Variants in SIRT6 observed in about 807,000 individuals in gnomAD.
The protein encoded by SIRT6 is NAD-dependent protein deacylase sirtuin-6.
A neutral mutation model predicts 33.6 loss-of-function variants in SIRT6; 21 were observed. That is an observed-to-expected ratio of 0.62 (90% CI 0.44 to 0.90). SIRT6 has a LOEUF of 0.90. Ranked by LOEUF, SIRT6 falls within the 40% of genes least tolerant of loss-of-function variation. SIRT6 has a pLI of 0.00. For missense variants in SIRT6, 504 were observed against 510.6 expected (o/e 0.99, Z 0.12); for synonymous variants, 221 against 223.9 (o/e 0.99, Z 0.12).
chr19:4,178,920 A>T (rs1967460039), intron 3 of SIRT6, among the ~76,000 whole-genome samples, 184 bp downstream of exon 3: 1 of 152,200 alleles, frequency 6.6e-6, no homozygotes, highest in Non-Finnish European at 1.5e-5. Flanking sequence ...TCTCGAGGGA[A>T]ATTCTGCCTC....
At chr19:4,181,162 C>T (rs986638363) in intron 1 of SIRT6, among the ~76,000 whole-genome samples, 1 of 152,162 alleles carries the variant, frequency 6.6e-6, no homozygotes, top group Non-Finnish European at 1.5e-5. Flanking sequence ...CCCTCTTCTC[C>T]TCCCTCTCCC....
Position 4,174,516 on chromosome 19 carries a change from CCT to C in SIRT6, c.*99_*100del. 8.7e-7 allele frequency: 1 copy of C among 1,152,438 alleles called. No homozygotes were observed. The highest frequency in any genetic ancestry group is 3.5e-5 in the Admixed American group (1 of 28,718). 71.4% of individuals were successfully genotyped at this position (1,152,438 alleles called of 1,614,324 possible). A position where few individuals can be genotyped will look rare whatever the true frequency, so the allele number is the denominator to read the frequency against. On this transcript the variant is annotated 3_prime_UTR_variant, in exon 8 of 8. Transcript: ENST00000337491. This position sits in a 1 kb window ranked among gnomAD's most constrained non-coding sequence, Gnocchi z 4.2. ...TGGCCTGGAGCACAGCTCTCAGAGC[CCT>C]GAGGCTCCCGGGGACAGAAACAAGT...
In SIRT6 at chr19:4,175,015, C is replaced by T. The variant is rs201325853; in HGVS notation, c.738+13G>A. The T allele has an allele frequency of 6.2e-6, 10 of 1,601,174 alleles. No homozygotes were observed. Among genetic ancestry groups the T allele is most frequent in the Non-Finnish European group, 8.5e-6 (10 of 1,173,128 alleles). On this transcript the variant is annotated intron_variant, in intron 7 of 7. Transcript: ENST00000337491. ...CATGGTGGCCCTGGGCAGGGGTAGG[C>T]TCAGACACCTACGTGCTTGGTGGGC...
intron 3 of SIRT6, among the ~76,000 whole-genome samples, chr19:4,178,893 T>C (rs1456134520): frequency 6.6e-6 from 1 of 152,114 alleles, no homozygotes; most frequent in Non-Finnish European, 1.5e-5. Context: ...CTGACAGCTC[T>C]CCTCCCCTTA....
Position 4,177,970 on chromosome 19 carries a change from G to A in SIRT6, c.378-832C>T, listed in dbSNP as rs543784542. Among the ~76,000 whole-genome samples the A allele has an allele frequency of 9.5e-4, 144 of 151,816 alleles. 1 individual carries two copies. Among genetic ancestry groups the A allele is most frequent in the African/African-American group, 3.3e-3 (136 of 41,390 alleles). Reference sequence around the variant, plus strand: ...GATCTCCTGACCTCATGATCCGCCCGCCTTGGCCTCCCAAAGTGCTGAGAT... The same window carrying A: ...GATCTCCTGACCTCATGATCCGCCCACCTTGGCCTCCCAAAGTGCTGAGAT... On this transcript the variant is annotated intron_variant, in intron 3 of 7. Coordinates refer to ENST00000337491, the MANE Select transcript of SIRT6 (RefSeq NM_016539.4).
chr19:4,179,235 G>T lies in SIRT6; in HGVS notation c.246C>A (p.Phe82Leu), dbSNP rs778143852. 2 of 1,609,700 alleles carry T rather than the reference G, an allele frequency of 1.2e-6. No individual in the cohort carries two copies. Among genetic ancestry groups the T allele is most frequent in the Admixed American group, 1.7e-5 (1 of 59,220 alleles). The change falls in exon 3 of 8, where the codon TTC (phenylalanine) becomes TTA (leucine). Residue 82 changes from phenylalanine (F) to leucine (L), a missense_variant. Coordinates refer to ENST00000337491, the MANE Select transcript of SIRT6 (RefSeq NM_016539.4). ...TMEERGLAPK[F>L]DTTFESARPT... is the part of the protein sequence containing the mutation. Reference sequence around the variant, plus strand: ...GCCGCGCGCTCTCAAAGGTGGTGTCGAACTTGGGGGCCAGACCTCGCTCCT... The same window carrying T: ...GCCGCGCGCTCTCAAAGGTGGTGTCTAACTTGGGGGCCAGACCTCGCTCCT...
Position 4,177,150 on chromosome 19 carries a change from G to A in SIRT6, c.378-12C>T. 6.2e-7 allele frequency: 1 copy of A among 1,613,716 alleles called. No homozygotes were observed. Among genetic ancestry groups the A allele is most frequent in the Non-Finnish European group, 8.5e-7 (1 of 1,179,814 alleles). On this transcript the variant is annotated splice_polypyrimidine_tract_variant and intron_variant, in intron 3 of 7. Coordinates refer to ENST00000337491, the MANE Select transcript of SIRT6 (RefSeq NM_016539.4). ...CTGCCAGTTTGTCCCTGTGGGAAGA[G>A]CAGGAAGAGGCTTGATGGTGGGAAA...
intron 3 of SIRT6, among the ~76,000 whole-genome samples, chr19:4,178,643 A>G (rs1231028631): frequency 6.6e-6 from 1 of 152,114 alleles, no homozygotes; most frequent in Non-Finnish European, 1.5e-5. Context: ...TGAGGTCAGG[A>G]GTTCAAGACC....
chr19:4,174,769 G>A lies in SIRT6; in HGVS notation c.916C>T (p.Arg306Trp), dbSNP rs375232383. The stretch of plus-strand genomic sequence containing the variant: ...CCGGCGGGGATAGAGCCGTTGATCC[G>A]GGTGGGAGATTCCTCCTTGGGCTCC... ...KLEPKEESPT[R>W]INGSIPAGPK... The change falls in exon 8 of 8, where the codon CGG becomes TGG. Residue 306 changes from arginine (R) to tryptophan (W), a missense_variant. Physicochemically the swap from Arg to Trp is moderately radical, Grantham distance 101. Coordinates refer to ENST00000337491, the MANE Select transcript of SIRT6 (RefSeq NM_016539.4). This position sits in a 1 kb window ranked among gnomAD's most constrained non-coding sequence, Gnocchi z 4.2. The A allele has an allele frequency of 3.5e-5, 52 of 1,496,906 alleles. No homozygotes were observed. The highest frequency in any genetic ancestry group is 9.9e-5 in the East Asian group (4 of 40,500). 92.7% of individuals were successfully genotyped at this position (1,496,906 alleles called of 1,614,324 possible).
intron 1 of SIRT6, 64 bp from the exon 2 acceptor site, chr19:4,180,973 G>C: frequency 6.5e-7 from 1 of 1,543,032 alleles, no homozygotes; most frequent in Non-Finnish European, 8.7e-7. Context: ...GGCCACGCAC[G>C]AGCCACAGAC....
intron 3 of SIRT6, among the ~76,000 whole-genome samples, chr19:4,178,392 C>T (rs373482051): frequency 1.3e-5 from 2 of 152,150 alleles, no homozygotes; most frequent in South Asian, 2.1e-4. Context: ...CCGAGCTCCT[C>T]GTCTCAACAA....
rs350845 is a variant in SIRT6, at chr19:4,174,953, A to C, written c.739-7T>G. The C allele has an allele frequency of 5.6e-6, 9 of 1,609,458 alleles. No homozygotes were observed. The South Asian group carries it at 8.8e-5, about 16-fold the overall frequency. Reference sequence around the variant, plus strand: ...GGAGGTCAGCATGGCGGTCCTGCCGAGGGGCGGGACGGGTCAGGCGTGGGG... The same window carrying C: ...GGAGGTCAGCATGGCGGTCCTGCCGCGGGGCGGGACGGGTCAGGCGTGGGG... On this transcript the variant is annotated splice_region_variant and splice_polypyrimidine_tract_variant and intron_variant, in intron 7 of 7. Coordinates refer to ENST00000337491, the MANE Select transcript of SIRT6 (RefSeq NM_016539.4). The surrounding 1 kb of genome is among the most constrained non-coding windows in gnomAD (Gnocchi z 4.2).
chr19:4,174,662 G>A lies in SIRT6; in HGVS notation c.1023C>T (p.Pro341=), dbSNP rs1967169617. ...CCTTCACCCTTTTGGGGGGTCTGTG[G>A]GGGGCAGGGCTGGTGGGCCGCTCCC... The part of the protein sequence containing the change: ...PKRERPTSPA[P]HRPPKRVKAK... The change falls in exon 8 of 8, where the codon CCC becomes CCT. Residue 341 remains proline (P), a synonymous_variant. Transcript: ENST00000337491. The surrounding 1 kb of genome is among the most constrained non-coding windows in gnomAD (Gnocchi z 4.2). 1.4e-6 allele frequency: 2 copies of A among 1,455,298 alleles called. No individual in the cohort carries two copies. The highest frequency in any genetic ancestry group is 1.8e-4 in the Middle Eastern group (1 of 5,440). 90.1% of individuals were successfully genotyped at this position (1,455,298 alleles called of 1,614,324 possible). A position where few individuals can be genotyped will look rare whatever the true frequency, so the allele number is the denominator to read the frequency against.
Position 4,178,495 on chromosome 19 carries a change from A to C in SIRT6, c.377+609T>G, listed in dbSNP as rs1967436937. ...TTTTATTGGGAAATCAGCCTGCCCCAGAGCACAGGTTCACTTCAGTGTCAG... is the reference window on the plus strand; with the variant it reads ...TTTTATTGGGAAATCAGCCTGCCCCCGAGCACAGGTTCACTTCAGTGTCAG... On this transcript the variant is annotated intron_variant, in intron 3 of 7. Coordinates refer to ENST00000337491, the MANE Select transcript of SIRT6 (RefSeq NM_016539.4). Among the ~76,000 whole-genome samples, 3 of 152,182 alleles carry C rather than the reference A, an allele frequency of 2.0e-5. No homozygotes were observed. In the South Asian group the frequency reaches 6.2e-4, roughly 31 times the overall value.
rs199809408 is a variant in SIRT6 at position 4,179,315 on chromosome 19, C to T, written c.195-29G>A. On this transcript the variant is annotated intron_variant, in intron 2 of 7. Coordinates refer to ENST00000337491, the MANE Select transcript of SIRT6 (RefSeq NM_016539.4). The stretch of plus-strand genomic sequence containing the variant: ...AAGGTGGCAGGCCGGGAGAGATGGA[C>T]GGGGAGAGGGGAACAGAAAAAGAGA... The T allele has an allele frequency of 1.2e-4, 189 of 1,557,994 alleles. 5 individuals carry two copies. In the South Asian group the frequency reaches 1.6e-3, roughly 13 times the overall value.
chr19:4,177,258 T>C lies in SIRT6; in HGVS notation c.378-120A>G. On this transcript the variant is annotated intron_variant, in intron 3 of 7. Transcript: ENST00000337491. ...CTTCCCGGACTCCTCTCCCACAACA[T>C]TGATCAACTCCTTCTTTCTGGCTCT... The C allele has an allele frequency of 7.4e-6, 6 of 806,510 alleles. No homozygotes were observed. The South Asian group carries it at 9.7e-5, about 13-fold the overall frequency. The allele number at this position is 806,510 out of a possible 1,614,324, so 50.0% of individuals were successfully genotyped here. A position where few individuals can be genotyped will look rare whatever the true frequency, so the allele number is the denominator to read the frequency against.
intron 6 of SIRT6, chr19:4,175,387 G>T: frequency 1.5e-6 from 1 of 651,420 alleles, no homozygotes; most frequent in Non-Finnish European, 2.6e-6. Flanking sequence ...TGTGGTAAGA[G>T]CTTGGACACC....
rs1238116579 is a variant in SIRT6, at chr19:4,179,109, G to A, written c.372C>T (p.Phe124=). 2 of 1,611,932 alleles carry A rather than the reference G, an allele frequency of 1.2e-6. No individual in the cohort carries two copies. Among genetic ancestry groups the A allele is most frequent in the Non-Finnish European group, 1.7e-6 (2 of 1,179,794 alleles). Residue 124 remains phenylalanine, a synonymous_variant, in exon 3 of 8, where the codon TTC becomes TTT. Transcript: ENST00000337491. ...GGGCGGGGCCAGGGTGTTACCTGGG[G>A]AAGCCTGAGCGCACATGGAGCCCGT... ...NVDGLHVRSG[F]PRDKLAELHG...
Position 4,179,259 on chromosome 19 carries a change from C to T in SIRT6, c.222G>A (p.Glu74=). ...FRGPHGVWTM[E]ERGLAPKFDT... ...CGAACTTGGGGGCCAGACCTCGCTC[C>T]TCCATGGTCCAGACTCCGTGGGGAC... The change falls in exon 3 of 8, where the codon GAG becomes GAA. Residue 74 remains glutamate, a synonymous_variant. Coordinates refer to ENST00000337491, the MANE Select transcript of SIRT6 (RefSeq NM_016539.4). 1.2e-6 allele frequency: 2 copies of T among 1,606,556 alleles called. No homozygotes were observed. Among genetic ancestry groups the T allele is most frequent in the Non-Finnish European group, 8.5e-7 (1 of 1,177,044 alleles).
Sources: gnomAD v4.1 joint callset for allele counts (sites outside exome capture counted in the v4.1 genomes callset) on GRCh38, gnomAD v4.1.1 for gene constraint, Gnocchi (gnomAD v3.1) non-coding constraint, MANE v1.5 for transcripts, NCBI Gene and HGNC (gene_info 2026-07-23, HGNC 2026-07-21) for gene names.